Variants in PSMC3 observed in about 807,000 individuals in gnomAD.
The protein encoded by PSMC3 is 26S proteasome regulatory subunit 6A.
A neutral mutation model predicts 52.0 loss-of-function variants in PSMC3; 11 were observed. The ratio of observed to expected loss-of-function variants is 0.21; its 90% CI spans 0.13 to 0.35. The LOEUF (loss-of-function observed/expected upper bound fraction) is 0.35. Among genes scored for constraint, PSMC3 ranks in the 10% least tolerant of loss-of-function variants. PSMC3 has a pLI of 1.00. For missense variants in PSMC3, 238 were observed against 567.1 expected (o/e 0.42, Z 5.89); for synonymous variants, 201 against 218.8 (o/e 0.92, Z 0.72).
intron 11 of PSMC3, 84 bp downstream of exon 11, chr11:47,419,031 TC>T (rs2153303491): frequency 1.2e-6 from 2 of 1,606,170 alleles, no homozygotes; most frequent in Admixed American, 3.3e-5. Context: ...CCCTCAGCCG[TC>T]TCCACCAGCC....
rs867941932 is a variant in PSMC3, at chr11:47,426,227, G to T, written c.53C>A (p.Ala18Glu). 2 of 1,560,256 alleles carry T rather than the reference G, an allele frequency of 1.3e-6. No homozygotes were observed. The highest frequency in any genetic ancestry group is 8.7e-7 in the Non-Finnish European group (1 of 1,152,906). ...ESPVTRQEKM[A>E]TVWDEAEQDG... ...CACCTCGGCCTCATCCCACACGGTC[G>T]CCATCTTCTCCTGCCGAGTCACTGG... Residue 18 changes from alanine to glutamate, a missense_variant, in exon 1 of 12, where the codon GCG becomes GAG. This residue lies in a region of PSMC3 where 48 missense variants were observed against 63.4 expected (regional missense o/e 0.76). Coordinates refer to ENST00000298852, the MANE Select transcript of PSMC3 (RefSeq NM_002804.5).
chr11:47,424,330 G>T lies in PSMC3; in HGVS notation c.453+99C>A. 1 of 1,556,656 alleles carries T rather than the reference G, an allele frequency of 6.4e-7. No individual in the cohort carries two copies. Among genetic ancestry groups the T allele is most frequent in the Non-Finnish European group, 8.9e-7 (1 of 1,129,202 alleles). ...GTAGACAGAATCCCAGACTCTCGGAGCTGTTCTGCCAAGATTCAGAGCCAA... is the reference window on the plus strand; with the variant it reads ...GTAGACAGAATCCCAGACTCTCGGATCTGTTCTGCCAAGATTCAGAGCCAA... On this transcript the variant is annotated intron_variant, in intron 5 of 11. Transcript: ENST00000298852. The surrounding 1 kb of genome is among the most constrained non-coding windows in gnomAD (Gnocchi z 4.8).
chr11:47,419,203 G>A lies in PSMC3; in HGVS notation c.1128-6C>T. On this transcript the variant is annotated splice_polypyrimidine_tract_variant and splice_region_variant and intron_variant, in intron 10 of 11. Transcript: ENST00000298852. The stretch of plus-strand genomic sequence containing the variant: ...CCTCGTAGTTCACGTCAGGACTGGG[G>A]ACAGGACAGATACCACAGGCTCAGT... 1 of 1,614,062 alleles carries A rather than the reference G, an allele frequency of 6.2e-7. No individual in the cohort carries two copies. Among genetic ancestry groups the A allele is most frequent in the East Asian group, 2.2e-5 (1 of 44,882 alleles).
intron 10 of PSMC3, 65 bp from the exon 11 acceptor site, chr11:47,419,262 C>T: frequency 6.5e-7 from 1 of 1,535,292 alleles, no homozygotes; most frequent in East Asian, 2.3e-5. Flanking sequence ...GGCCAAATAT[C>T]CTCCCCTGGC....
At chr11:47,419,821 T>C (rs987300429) in intron 10 of PSMC3, among the ~76,000 whole-genome samples, 20 of 151,014 alleles carry the variant, frequency 1.3e-4, no homozygotes, top group Non-Finnish European at 2.2e-4. Context: ...ATCGCGCCAC[T>C]GTACTCCAGC....
chr11:47,426,128 GCCAC>G, intron 1 of PSMC3, 73 bp downstream of exon 1: 2 of 1,495,974 alleles, frequency 1.3e-6, no homozygotes, highest in Non-Finnish European at 1.8e-6. Flanking sequence ...TTGACCCCCA[GCCAC>G]CTCCTTCCCT....
chr11:47,418,781 A>G lies in PSMC3; in HGVS notation c.*54T>C. On this transcript the variant is annotated 3_prime_UTR_variant, in exon 12 of 12. Transcript: ENST00000298852. ...GCAGACAAGCAGCGGCAGGGACCCT[A>G]AACCATCTTTTATTGCGCACTTCAG... 6.6e-7 allele frequency: 1 copy of G among 1,524,792 alleles called. No individual in the cohort carries two copies. Among genetic ancestry groups the G allele is most frequent in the Non-Finnish European group, 9.1e-7 (1 of 1,103,998 alleles). 94.5% of individuals were successfully genotyped at this position (1,524,792 alleles called of 1,614,324 possible).
Position 47,420,629 on chromosome 11 carries a change from A to G in PSMC3, c.981+2T>C. 6.4e-7 allele frequency: 1 copy of G among 1,551,780 alleles called. No homozygotes were observed. Among genetic ancestry groups the G allele is most frequent in the Non-Finnish European group, 8.7e-7 (1 of 1,146,908 alleles). ...TCTTTGCCTGGGAGTGCTAATACTCACCTTAACTTGGGTGTTGGGCTGGAA... is the reference window on the plus strand; with the variant it reads ...TCTTTGCCTGGGAGTGCTAATACTCGCCTTAACTTGGGTGTTGGGCTGGAA... On this transcript the variant is annotated splice_donor_variant, in intron 9 of 11. Coordinates refer to ENST00000298852, the MANE Select transcript of PSMC3 (RefSeq NM_002804.5). LOFTEE classifies it high-confidence loss of function.
chr11:47,419,309 G>C (rs925852055), intron 10 of PSMC3, 112 bp from the exon 11 acceptor site: 3 of 1,109,940 alleles, frequency 2.7e-6, no homozygotes, highest in Admixed American at 1.9e-5. Flanking sequence ...CCTGTGATCA[G>C]AGGCAAGTCC....
chr11:47,419,742 C>A (rs534137084), intron 10 of PSMC3, among the ~76,000 whole-genome samples: 1 of 152,082 alleles, frequency 6.6e-6, no homozygotes, highest in South Asian at 2.1e-4. Flanking sequence ...GCCTGTAGTC[C>A]CAGCTACTCG....
At chr11:47,421,610 C>T (rs914914884) in intron 8 of PSMC3, among the ~76,000 whole-genome samples, 10 of 151,746 alleles carry the variant, frequency 6.6e-5, no homozygotes, top group African/African-American at 2.4e-4. Context: ...CTTGTAATTC[C>T]AGCATTTATC....
intron 1 of PSMC3, 47 bp from the exon 2 acceptor site, chr11:47,425,997 C>T (rs2096045991): frequency 6.4e-7 from 1 of 1,557,816 alleles, no homozygotes; most frequent in South Asian, 1.1e-5. Context: ...TTACTCAGGA[C>T]AAGCATCCCT....
intron 2 of PSMC3, chr11:47,425,480 T>C: frequency 1.7e-6 from 1 of 592,146 alleles, no homozygotes; most frequent in Non-Finnish European, 3.0e-6. Context: ...AAAGCAGGCC[T>C]CCGAGAGAGG....
rs2153303483 is a variant in PSMC3 at position 47,418,931 on chromosome 11, C to T, written c.1224G>A (p.Leu408=). Residue 408 remains leucine (L), a synonymous_variant, in exon 12 of 12, where the codon CTG becomes CTA. Transcript: ENST00000298852. ...AVCVEAGMIA[L]RRGATELTHE... Reference sequence around the variant, plus strand: ...GGGTGAGCTCCGTGGCACCCCTGCGCAGTGCGATCATGCCCTACAGCCGGG... The same window carrying T: ...GGGTGAGCTCCGTGGCACCCCTGCGTAGTGCGATCATGCCCTACAGCCGGG... The T allele has an allele frequency of 6.2e-7, 1 of 1,614,184 alleles. No homozygotes were observed. The highest frequency in any genetic ancestry group is 8.5e-7 in the Non-Finnish European group (1 of 1,180,012).
chr11:47,422,781 G>C lies in PSMC3; in HGVS notation c.735+49C>G. The C allele has an allele frequency of 6.2e-7, 1 of 1,607,496 alleles. No homozygotes were observed. The highest frequency in any genetic ancestry group is 8.5e-7 in the Non-Finnish European group (1 of 1,175,084). ...GCAGACCCTTTGAGCCCATCTGGTAGAGTTTCTGCTCCTGCCCACTTCCCC... is the reference window on the plus strand; with the variant it reads ...GCAGACCCTTTGAGCCCATCTGGTACAGTTTCTGCTCCTGCCCACTTCCCC... On this transcript the variant is annotated intron_variant, in intron 7 of 11. Coordinates refer to ENST00000298852, the MANE Select transcript of PSMC3 (RefSeq NM_002804.5). This position sits in a 1 kb window ranked among gnomAD's most constrained non-coding sequence, Gnocchi z 4.3.
intron 11 of PSMC3, 66 bp downstream of exon 11, chr11:47,419,050 C>G (rs2153303495): frequency 6.2e-7 from 1 of 1,609,824 alleles, no homozygotes; most frequent in Non-Finnish European, 8.5e-7. Flanking sequence ...GCCAAATGCC[C>G]CCATCCTGTC....
Position 47,424,543 on chromosome 11 carries a change from C to G in PSMC3, c.391-52G>C. The G allele has an allele frequency of 6.2e-7, 1 of 1,607,570 alleles. No homozygotes were observed. The highest frequency in any genetic ancestry group is 8.5e-7 in the Non-Finnish European group (1 of 1,173,996). On this transcript the variant is annotated intron_variant, in intron 4 of 11. Coordinates refer to ENST00000298852, the MANE Select transcript of PSMC3 (RefSeq NM_002804.5). The surrounding 1 kb of genome is among the most constrained non-coding windows in gnomAD (Gnocchi z 4.8). ...CAGTTAGTGTCCTCAGGGAAGGCTCCCTAGTCCTGTCCCACATCCGCTCCT... is the reference window on the plus strand; with the variant it reads ...CAGTTAGTGTCCTCAGGGAAGGCTCGCTAGTCCTGTCCCACATCCGCTCCT...
In PSMC3 at chr11:47,424,440, C is replaced by T; in HGVS notation, c.442G>A (p.Gly148Arg). 6.2e-7 allele frequency: 1 copy of T among 1,614,204 alleles called. No homozygotes were observed. Among genetic ancestry groups the T allele is most frequent in the Non-Finnish European group, 8.5e-7 (1 of 1,180,024 alleles). ...CAGGCCCCACTCACCACCAGGTCTC[C>T]TGGCTTTAGCTTTTCAGCATCCACC... The part of the protein sequence containing the change: ...GLVDAEKLKP[G>R]DLVGVNKDSY... The change falls in exon 5 of 12, where the codon GGA becomes AGA. Residue 148 changes from glycine (G) to arginine (R), a missense_variant. Gly to Arg is a moderately radical substitution (Grantham distance 125). This residue lies in a region of PSMC3 where 60 missense variants were observed against 117.3 expected (regional missense o/e 0.51). Transcript: ENST00000298852. This position sits in a 1 kb window ranked among gnomAD's most constrained non-coding sequence, Gnocchi z 4.8.
chr11:47,423,080 G>T, intron 6 of PSMC3, 107 bp from the exon 7 acceptor site: 1 of 1,192,754 alleles, frequency 8.4e-7, no homozygotes, highest in Non-Finnish European at 1.2e-6. Context: ...CTAACTCAGG[G>T]ACACGCCCAT....
Sources: allele counts gnomAD v4.1 joint callset (sites outside exome capture counted in the v4.1 genomes callset), GRCh38; gene constraint gnomAD v4.1.1; regional missense constraint gnomAD v4.1.1; non-coding constraint Gnocchi (gnomAD v3.1); transcripts MANE v1.5; gene names NCBI Gene and HGNC (gene_info 2026-07-23, HGNC 2026-07-21).